CSMD3: variants seen among roughly 807,000 people sequenced by gnomAD.
CSMD3 encodes the protein CUB and sushi domain-containing protein 3.
CSMD3 carries 177 observed loss-of-function variants against 435.2 expected under a neutral mutation model. The observed-to-expected ratio is 0.41, with a 90% CI of 0.36 to 0.46. The LOEUF (loss-of-function observed/expected upper bound fraction) is 0.46. Ranked by LOEUF, CSMD3 falls within the 20% of genes least tolerant of loss-of-function variation. CSMD3 has a pLI of 0.34. For missense variants in CSMD3, 4,265 were observed against 4,504.6 expected, an observed-to-expected ratio of 0.95 and a Z score of 1.52; for synonymous variants, 1,656 against 1,520.5, an observed-to-expected ratio of 1.09 and a Z score of -2.07.
chr8:113,087,948 G>A (rs996710389), intron 5 of CSMD3, among the ~76,000 whole-genome samples: 24 of 151,226 alleles, frequency 1.6e-4, no homozygotes, highest in African/African-American at 3.6e-4. Context: ...GAAAATTTTC[G>A]CAACCTACTC....
intron 1 of CSMD3, among the ~76,000 whole-genome samples, chr8:113,402,831 T>C (rs1042391717): frequency 4.0e-5 from 6 of 151,358 alleles, no homozygotes; most frequent in African/African-American, 1.4e-4. Context: ...GTAAATAATT[T>C]ATTAGGAAAC....
At chr8:112,842,837 T>C (rs1389449963) in intron 11 of CSMD3, among the ~76,000 whole-genome samples, 2 of 151,764 alleles carry the variant, frequency 1.3e-5, no homozygotes, top group Non-Finnish European at 2.9e-5. Context: ...TATTACATCT[T>C]CAAAAGAATA....
chr8:112,239,431 T>C (rs1278529727), intron 66 of CSMD3, among the ~76,000 whole-genome samples: 2 of 152,064 alleles, frequency 1.3e-5, no homozygotes, highest in South Asian at 2.1e-4. Context: ...CTTTATAATA[T>C]CTTTATCCGA....
intron 13 of CSMD3, among the ~76,000 whole-genome samples, chr8:112,788,105 T>C (rs2078597955): frequency 6.6e-6 from 1 of 152,154 alleles, no homozygotes; most frequent in Admixed American, 6.6e-5. Flanking sequence ...AATGAAAAAT[T>C]AAATTTTTGT....
chr8:112,246,974 T>TA, intron 64 of CSMD3, 46 bp downstream of exon 64: 1 of 1,341,992 alleles, frequency 7.5e-7, no homozygotes. Flanking sequence ...AAAATGCATA[T>TA]AAATTCTTAC....
intron 5 of CSMD3, among the ~76,000 whole-genome samples, chr8:113,088,375 A>T (rs970375962): frequency 1.3e-5 from 2 of 150,146 alleles, no homozygotes; most frequent in African/African-American, 5.0e-5. Flanking sequence ...TACCCAAAGG[A>T]CTATAAATCA....
rs145578915 is a variant in CSMD3, at chr8:112,920,977, G to C, written c.1633+650C>G. On this transcript the variant is annotated intron_variant, in intron 10 of 70. Transcript: ENST00000297405. ...CATACTGGTATTTATATATATATAT[G>C]TACACACATACGCGCGCGCGCACAC... Among the ~76,000 whole-genome samples, 410 of 87,786 alleles carry C rather than the reference G, an allele frequency of 4.7e-3. 6 individuals carry two copies. In the East Asian group the frequency reaches 0.049, roughly 10 times the overall value. 57.6% of individuals were successfully genotyped at this position (87,786 alleles called of 152,430 possible).
intron 53 of CSMD3, among the ~76,000 whole-genome samples, chr8:112,298,723 G>C (rs945014546): frequency 1.3e-5 from 2 of 152,038 alleles, no homozygotes; most frequent in African/African-American, 2.4e-5. Flanking sequence ...CTTAACATTA[G>C]TATTCATTAA....
At chr8:112,870,654 T>C (rs1355768018) in intron 10 of CSMD3, among the ~76,000 whole-genome samples, 1 of 152,132 alleles carries the variant, frequency 6.6e-6, no homozygotes, top group African/African-American at 2.4e-5. Flanking sequence ...ATAATATGTT[T>C]TTAATTCATT....
chr8:112,968,734 C>T (rs1460456777), intron 7 of CSMD3, among the ~76,000 whole-genome samples: 1 of 151,876 alleles, frequency 6.6e-6, no homozygotes, highest in East Asian at 1.9e-4. Flanking sequence ...GGAATAAACA[C>T]TATGCAATAT....
intron 10 of CSMD3, among the ~76,000 whole-genome samples, chr8:112,901,150 A>T (rs1315627034): frequency 6.6e-6 from 1 of 151,340 alleles, no homozygotes; most frequent in Non-Finnish European, 1.5e-5. Flanking sequence ...GTAAGAAGCC[A>T]GGCAAATTGT....
At position 113,235,770 on chromosome 8, in the gene CSMD3, C is replaced by G. The variant is rs1383901551; in HGVS notation, c.514+42822G>C. Among the ~76,000 whole-genome samples, 3 of 152,054 alleles carry G rather than the reference C, an allele frequency of 2.0e-5. No homozygotes were observed. In the East Asian group the frequency reaches 5.8e-4, roughly 29 times the overall value. On this transcript the variant is annotated intron_variant, in intron 3 of 70. Coordinates refer to ENST00000297405, the MANE Select transcript of CSMD3 (RefSeq NM_198123.2). ...GTCAGGATAAATAAGGTTAGGAGGC[C>G]AAACTGGCTTGTCCCCTTGTGTGAA...
At chr8:112,766,389 ATC>A (rs919981199) in intron 13 of CSMD3, among the ~76,000 whole-genome samples, 1 of 151,620 alleles carries the variant, frequency 6.6e-6, no homozygotes, top group Non-Finnish European at 1.5e-5. Context: ...ACAGAAATTA[ATC>A]TCTCTCTCAT....
chr8:112,680,061 C>T (rs1195613758), intron 16 of CSMD3, among the ~76,000 whole-genome samples: 1 of 152,154 alleles, frequency 6.6e-6, no homozygotes, highest in Non-Finnish European at 1.5e-5. Context: ...GCTTCAAATA[C>T]TAATGTGTGG....
At chr8:112,877,410 G>A (rs2081315642) in intron 10 of CSMD3, among the ~76,000 whole-genome samples, 1 of 152,014 alleles carries the variant, frequency 6.6e-6, no homozygotes, top group Middle Eastern at 3.4e-3. Flanking sequence ...GGAATAACAG[G>A]TGTGTGCCAC....
At chr8:112,687,956 C>T (rs1038953635) in intron 14 of CSMD3, among the ~76,000 whole-genome samples, 1 of 152,164 alleles carries the variant, frequency 6.6e-6, no homozygotes, top group African/African-American at 2.4e-5. Flanking sequence ...TAATTTGATC[C>T]TATAACTCCT....
intron 4 of CSMD3, among the ~76,000 whole-genome samples, chr8:113,153,134 G>GAAAGAAAGAAAGAAAGAAAGAAAGAGAAA (rs1564370995): frequency 7.4e-5 from 7 of 94,082 alleles, no homozygotes; most frequent in African/African-American, 4.5e-4. Flanking sequence ...AGAGAAAGAA[G>GAAAGAAAGAAAGAAAGAAAGAAAGAGAAA]GAAGGAAGGA....
At chr8:112,407,490 T>C (rs1328116346) in intron 34 of CSMD3, among the ~76,000 whole-genome samples, 1 of 152,024 alleles carries the variant, frequency 6.6e-6, no homozygotes, top group East Asian at 1.9e-4. Context: ...GAATTCTAAA[T>C]AGATTAATTC....
Position 113,365,926 on chromosome 8 carries a change from C to T in CSMD3, c.179-51133G>A, listed in dbSNP as rs571095388. ...CAACAACAAATGACCCAAAAACCCA[C>T]CAAATTATATAATTTTCCTTATAAT... On this transcript the variant is annotated intron_variant, in intron 1 of 70. Coordinates refer to ENST00000297405, the MANE Select transcript of CSMD3 (RefSeq NM_198123.2). Among the ~76,000 whole-genome samples the T allele has an allele frequency of 1.8e-3, 277 of 152,062 alleles. 1 individual carries two copies. Among genetic ancestry groups the T allele is most frequent in the African/African-American group, 6.4e-3 (265 of 41,530 alleles).
Sources: gnomAD v4.1 joint callset for allele counts (sites outside exome capture counted in the v4.1 genomes callset) on GRCh38, gnomAD v4.1.1 for gene constraint, MANE v1.5 for transcripts, NCBI Gene and HGNC (gene_info 2026-07-23, HGNC 2026-07-21) for gene names.